The following C11orf65 variants were observed in gnomAD, a reference collection of about 807,000 sequenced individuals.
C11orf65 encodes protein MFI.
Under a neutral mutation model 35.3 loss-of-function variants are expected in C11orf65, and 38 were observed. That is an observed-to-expected ratio of 1.08 (90% CI 0.83 to 1.41). The LOEUF (loss-of-function observed/expected upper bound fraction) is 1.41, where lower values mean the gene tolerates loss of function less well. C11orf65 is among the 40% of genes most tolerant of loss of function. C11orf65 has a pLI of 0.00. For missense variants in C11orf65, 370 were observed against 367.1 expected, an observed-to-expected ratio of 1.01 and a Z score of -0.06; for synonymous variants, 105 against 114.4, an observed-to-expected ratio of 0.92 and a Z score of 0.53.
In C11orf65 at chr11:108,466,783, C is replaced by T. The variant is rs990317441; in HGVS notation, c.-10+688G>A. 9.2e-5 allele frequency among the ~76,000 whole-genome samples: 14 copies of T among 152,316 alleles called. 1 individual carries two copies. In the South Asian group the frequency reaches 2.9e-3, roughly 32 times the overall value. ...TTTACGCTTCGTGGAAAAAAGCCCA[C>T]AAGACGTGTTTGGATTCTTGGTTTC... is the stretch of plus-strand genomic sequence containing the variant. On this transcript the variant is annotated intron_variant, in intron 1 of 8. Coordinates refer to ENST00000393084, the MANE Select transcript of C11orf65 (RefSeq NM_152587.5).
rs1212474462 is a variant in C11orf65, at chr11:108,452,730, A to G, written c.81+8749T>C. ...GTTTACTGCAGCACTATTCACAATA[A>G]CAAAGACTTGGAACCAACCCAAATG... On this transcript the variant is annotated intron_variant, in intron 2 of 8. Transcript: ENST00000393084. 2.0e-5 allele frequency among the ~76,000 whole-genome samples: 3 copies of G among 152,240 alleles called. No individual in the cohort carries two copies. The East Asian group carries it at 5.8e-4, about 29-fold the overall frequency.
At chr11:108,379,159 T>C (rs1299874015), downstream of C11orf65, among the ~76,000 whole-genome samples, 1 of 152,118 alleles carries the variant, frequency 6.6e-6, no homozygotes, top group African/African-American at 2.4e-5. Flanking sequence ...ATCATGCTGC[T>C]ATAAAGACAC....
chr11:108,406,167 T>C (rs369286918), intron 5 of C11orf65, among the ~76,000 whole-genome samples: 3 of 152,240 alleles, frequency 2.0e-5, no homozygotes, highest in East Asian at 1.9e-4. Context: ...GTCTCCCTAA[T>C]TGAAAGGCAA....
At chr11:108,435,393 A>G (rs1464884647) in intron 2 of C11orf65, among the ~76,000 whole-genome samples, 1 of 152,198 alleles carries the variant, frequency 6.6e-6, no homozygotes, top group Admixed American at 6.5e-5. Context: ...AAAATGAGCT[A>G]TTACTACCAG....
chr11:108,443,653 G>A (rs2093198844), intron 2 of C11orf65, among the ~76,000 whole-genome samples: 1 of 152,042 alleles, frequency 6.6e-6, no homozygotes, highest in South Asian at 2.1e-4. Flanking sequence ...CTAGAACTCA[G>A]GATTAAGAAA....
At chr11:108,339,780 A>G (rs1363816081) in intron 2 of C11orf65, among the ~76,000 whole-genome samples, 3 of 152,110 alleles carry the variant, frequency 2.0e-5, no homozygotes, top group South Asian at 2.1e-4. Flanking sequence ...AGAGTAATCA[A>G]TGTAAAAGAG....
intron 2 of C11orf65, among the ~76,000 whole-genome samples, chr11:108,346,849 ATAATT>A (rs1285846666): frequency 6.6e-6 from 1 of 152,154 alleles, no homozygotes; most frequent in Non-Finnish European, 1.5e-5. Context: ...TGTGTTAAAT[ATAATT>A]CATCAAGGAG....
intron 8 of C11orf65, among the ~76,000 whole-genome samples, chr11:108,385,262 G>C (rs577010037): frequency 6.6e-6 from 1 of 152,162 alleles, no homozygotes; most frequent in East Asian, 2.0e-4. Context: ...AGTAGAGTCA[G>C]GGTTTCACCA....
intron 2 of C11orf65, chr11:108,340,430 A>G (rs1465648704): frequency 6.6e-6 from 1 of 152,168 alleles, no homozygotes; most frequent in Middle Eastern, 3.2e-3. Flanking sequence ...AAAACAATTC[A>G]CAAAAATTCC....
At chr11:108,457,538 G>C (rs1260610510) in intron 2 of C11orf65, among the ~76,000 whole-genome samples, 1 of 152,022 alleles carries the variant, frequency 6.6e-6, no homozygotes, top group East Asian at 1.9e-4. Context: ...CAGGTACTCG[G>C]GAGGCTGAGG....
At chr11:108,456,202 C>T (rs887085218) in intron 2 of C11orf65, among the ~76,000 whole-genome samples, 1 of 152,012 alleles carries the variant, frequency 6.6e-6, no homozygotes, top group African/African-American at 2.4e-5. Context: ...ACAGAATAGA[C>T]ACTATAGAAA....
At chr11:108,373,742 G>A (rs973500342) in intron 2 of C11orf65, among the ~76,000 whole-genome samples, 17 of 152,238 alleles carry the variant, frequency 1.1e-4, no homozygotes, top group East Asian at 1.9e-4. Context: ...CACGGGAAGC[G>A]CAAGGGGTCC....
At chr11:108,418,984 GTAATT>G (rs2092778995) in intron 3 of C11orf65, among the ~76,000 whole-genome samples, 1 of 152,162 alleles carries the variant, frequency 6.6e-6, no homozygotes, top group Admixed American at 6.5e-5. Flanking sequence ...TAAATTGAAT[GTAATT>G]TAAAATCTTT....
intron 2 of C11orf65, among the ~76,000 whole-genome samples, chr11:108,440,234 G>C (rs2093128419): frequency 6.6e-6 from 1 of 152,162 alleles, no homozygotes; most frequent in Admixed American, 6.5e-5. Context: ...AGAATATATA[G>C]CTGTTCTAAT....
intron 6 of C11orf65, among the ~76,000 whole-genome samples, chr11:108,313,093 T>C (rs1418937082): frequency 6.6e-6 from 1 of 152,220 alleles, no homozygotes; most frequent in East Asian, 1.9e-4. Flanking sequence ...CTCTCAAACA[T>C]TGAAATCTCC....
intron 2 of C11orf65, among the ~76,000 whole-genome samples, chr11:108,447,782 A>C (rs1371810379): frequency 1.3e-5 from 2 of 152,194 alleles, no homozygotes; most frequent in African/African-American, 2.4e-5. Context: ...AATAACTAAA[A>C]TCAGAGCAGA....
At chr11:108,344,359 G>C (rs2088010052) in intron 2 of C11orf65, among the ~76,000 whole-genome samples, 1 of 152,122 alleles carries the variant, frequency 6.6e-6, no homozygotes, top group Admixed American at 6.5e-5. Flanking sequence ...TATAAGCAAA[G>C]GAGAGGAGAC....
intron 6 of C11orf65, chr11:108,319,899 GTA>G: frequency 1.6e-6 from 2 of 1,254,718 alleles, no homozygotes; most frequent in South Asian, 2.4e-5. Flanking sequence ...ATTTATACAT[GTA>G]TATCTTAGGG....
chr11:108,312,340 C>T (rs894548374), intron 6 of C11orf65: 5 of 1,159,822 alleles, frequency 4.3e-6, no homozygotes, highest in African/African-American at 1.5e-5. Flanking sequence ...CTGTCAAAGT[C>T]TATAGTATAT....
Sources: gnomAD v4.1 joint callset for allele counts (sites outside exome capture counted in the v4.1 genomes callset) on GRCh38, gnomAD v4.1.1 for gene constraint, MANE v1.5 for transcripts, NCBI Gene and HGNC (gene_info 2026-07-23, HGNC 2026-07-21) for gene names.